Variants in ZNF362 observed in about 807,000 individuals in gnomAD.
ZNF362 encodes zinc finger protein 362.
A neutral mutation model predicts 42.9 loss-of-function variants in ZNF362; 11 were observed. That is an observed-to-expected ratio of 0.26 (90% CI 0.16 to 0.42). The LOEUF is 0.42. ZNF362 is among the 20% of genes least tolerant of loss of function. The pLI is 1.00. For synonymous variants in ZNF362, 255 were observed against 257.3 expected, an observed-to-expected ratio of 0.99 and a Z score of 0.09; for missense variants, 362 against 576.2, an observed-to-expected ratio of 0.63 and a Z score of 3.81.
At chr1:33,158,358 T>C in the ZNF362 span, 1 of 1,613,454 alleles carries the variant, frequency 6.2e-7, no homozygotes, top group Admixed American at 1.7e-5. Context: ...TCATGGATTT[T>C]TCCCTTGAGC....
At chr1:33,165,863 C>T in the ZNF362 span, 20 of 244,298 alleles carry the variant, frequency 8.2e-5, no homozygotes, top group East Asian at 1.5e-3. The surrounding 1 kb of genome is among the most constrained non-coding windows in gnomAD (Gnocchi z 4.0). Flanking sequence ...CCACACTTGG[C>T]CCTGGATCCC....
the ZNF362 span, among the ~76,000 whole-genome samples, chr1:33,199,349 A>G: frequency 0.93 from 141,012 of 152,084 alleles, 65,872 homozygotes; most frequent in South Asian, 0.98. Flanking sequence ...AACAATGCAA[A>G]CTAAGAGATA....
In ZNF362 at chr1:33,281,657, G is replaced by A. The variant is rs751377509; in HGVS notation, c.754G>A (p.Ala252Thr). ...MQIHSKSHTE[A>T]KPHKCPHCSK... ...GATCCACTCCAAGTCGCACACAGAG[G>A]CCAAGCCCCACAAGTGCCCGCACTG... Residue 252 changes from alanine to threonine, a missense_variant, in exon 6 of 9, where the codon GCC becomes ACC. Around this residue, in one of 3 missense-constraint regions of ZNF362, gnomAD observed 266 missense variants for 365.4 expected, o/e 0.73. Coordinates refer to ENST00000539719, the MANE Select transcript of ZNF362 (RefSeq NM_152493.3). This position sits in a 1 kb window ranked among gnomAD's most constrained non-coding sequence, Gnocchi z 4.8. 4 of 1,614,210 alleles carry A rather than the reference G, an allele frequency of 2.5e-6. No homozygotes were observed. The highest frequency in any genetic ancestry group is 3.4e-6 in the Non-Finnish European group (4 of 1,180,038).
At chr1:33,250,758 AG>A in the ZNF362 span, among the ~76,000 whole-genome samples, 2 of 151,454 alleles carry the variant, frequency 1.3e-5, no homozygotes, top group South Asian at 2.1e-4. Flanking sequence ...AGAAAAAAAA[AG>A]AAGAAAGAAG....
chr1:33,193,958 G>T, the ZNF362 span, among the ~76,000 whole-genome samples: 6 of 152,092 alleles, frequency 3.9e-5, no homozygotes, highest in Non-Finnish European at 7.3e-5. Context: ...TGGTGCATAC[G>T]CCAAAAATTA....
chr1:33,255,979 G>C (rs1008143151), upstream of ZNF362, among the ~76,000 whole-genome samples: 3 of 151,638 alleles, frequency 2.0e-5, no homozygotes, highest in Non-Finnish European at 4.4e-5. Context: ...GGCGGCCGCC[G>C]GGCCTGGGCA....
At chr1:33,170,934 T>G in the ZNF362 span, among the ~76,000 whole-genome samples, 1 of 152,190 alleles carries the variant, frequency 6.6e-6, no homozygotes, top group Admixed American at 6.5e-5. Context: ...CCCTGGGTGC[T>G]CGGGAGACAG....
chr1:33,273,455 C>T (rs1645920602), intron 2 of ZNF362, among the ~76,000 whole-genome samples: 1 of 152,188 alleles, frequency 6.6e-6, no homozygotes, highest in Non-Finnish European at 1.5e-5. Flanking sequence ...TTCCCATAGC[C>T]TCCTGATCAG....
chr1:33,156,682 G>A, the ZNF362 span, among the ~76,000 whole-genome samples: 3 of 152,130 alleles, frequency 2.0e-5, no homozygotes, highest in African/African-American at 4.8e-5. Flanking sequence ...CTGTCCATAT[G>A]CTAATGATGC....
the ZNF362 span, chr1:33,181,243 G>A: frequency 6.4e-7 from 1 of 1,554,972 alleles, no homozygotes; most frequent in Non-Finnish European, 8.7e-7. This position sits in a 1 kb window ranked among gnomAD's most constrained non-coding sequence, Gnocchi z 6.5. Flanking sequence ...TTGAGGCTGG[G>A]CGCCAGCGCG....
chr1:33,276,071 TC>T (rs1395748194), intron 2 of ZNF362, 28 bp from the exon 3 acceptor site: 2 of 1,613,624 alleles, frequency 1.2e-6, no homozygotes, highest in Admixed American at 1.7e-5. Flanking sequence ...AGGGCTCTCT[TC>T]CCGGTGACAG....
the ZNF362 span, among the ~76,000 whole-genome samples, chr1:33,185,580 T>C: frequency 1.3e-5 from 2 of 152,166 alleles, no homozygotes; most frequent in African/African-American, 2.4e-5. Context: ...TCTGAGCAGT[T>C]CTTCTCTTGA....
chr1:33,146,854 G>A, the ZNF362 span: 1 of 352,604 alleles, frequency 2.8e-6, no homozygotes, highest in Non-Finnish European at 5.3e-6. Flanking sequence ...TGGGCTGGAG[G>A]GAGACACTGG....
the ZNF362 span, among the ~76,000 whole-genome samples, chr1:33,167,229 T>G: frequency 2.0e-5 from 3 of 152,224 alleles, no homozygotes; most frequent in Admixed American, 1.3e-4. The surrounding 1 kb of genome is among the most constrained non-coding windows in gnomAD (Gnocchi z 4.2). Flanking sequence ...GTCACACATC[T>G]GGATTCACGG....
At chr1:33,189,427 G>A in the ZNF362 span, among the ~76,000 whole-genome samples, 1 of 151,676 alleles carries the variant, frequency 6.6e-6, no homozygotes, top group South Asian at 2.1e-4. Flanking sequence ...GCACATACTC[G>A]ACTATACAGT....
At chr1:33,196,615 CT>C in the ZNF362 span, among the ~76,000 whole-genome samples, 2 of 151,936 alleles carry the variant, frequency 1.3e-5, no homozygotes, top group Admixed American at 6.6e-5. Context: ...TTGCAGTTAA[CT>C]TTTTTTTCTT....
chr1:33,236,553 AT>A, the ZNF362 span, among the ~76,000 whole-genome samples: 17 of 93,022 alleles, frequency 1.8e-4, no homozygotes, highest in African/African-American at 4.1e-4. Flanking sequence ...AAAAAAAAAT[AT>A]ATATATATAT....
At chr1:33,163,698 G>C in the ZNF362 span, 2 of 152,354 alleles carry the variant, frequency 1.3e-5, no homozygotes, top group African/African-American at 4.8e-5. Flanking sequence ...CCAGGGCGCC[G>C]ACCAAGGAAA....
At chr1:33,285,176 A>G (rs1193573695) in intron 6 of ZNF362, among the ~76,000 whole-genome samples, 1 of 152,186 alleles carries the variant, frequency 6.6e-6, no homozygotes, top group Non-Finnish European at 1.5e-5. Context: ...CACTTTGGGA[A>G]GCTGAGACAG....
Sources: gnomAD v4.1 joint callset for allele counts (sites outside exome capture counted in the v4.1 genomes callset) on GRCh38, gnomAD v4.1.1 for gene constraint, gnomAD v4.1.1 regional missense constraint, Gnocchi (gnomAD v3.1) non-coding constraint, MANE v1.5 for transcripts, NCBI Gene and HGNC (gene_info 2026-07-23, HGNC 2026-07-21) for gene names.